ROR2: variants seen among roughly 807,000 people sequenced by gnomAD.
ROR2 encodes the protein tyrosine-protein kinase transmembrane receptor ROR2.
Under a neutral mutation model 74.9 loss-of-function variants are expected in ROR2, and 33 were observed. The ratio of observed to expected loss-of-function variants is 0.44; its 90% CI spans 0.33 to 0.59. ROR2 has a LOEUF of 0.59. Among genes scored for constraint, ROR2 ranks in the 20% least tolerant of loss-of-function variants. ROR2 has a pLI of 0.02. For missense variants in ROR2, 1,216 were observed against 1,313.8 expected (o/e 0.93, Z 1.15); for synonymous variants, 586 against 558.7 (o/e 1.05, Z -0.69).
chr9:91,825,636 T>C lies in ROR2; in HGVS notation c.98-49818A>G, dbSNP rs1040054989. ...GAGAACAGGGGGCACACATCCAATG[T>C]TGTATTTCAACAAGTCACAGGACTT... On this transcript the variant is annotated intron_variant, in intron 1 of 8. Coordinates refer to ENST00000375708, the MANE Select transcript of ROR2 (RefSeq NM_004560.4). Among the ~76,000 whole-genome samples the C allele has an allele frequency of 1.3e-4, 20 of 152,166 alleles. No individual in the cohort carries two copies. The East Asian group carries it at 3.7e-3, about 28-fold the overall frequency.
intron 1 of ROR2, among the ~76,000 whole-genome samples, chr9:91,808,798 T>A (rs1040932325): frequency 4.0e-5 from 6 of 150,886 alleles, no homozygotes; most frequent in African/African-American, 1.5e-4. Context: ...ATATAAAAAA[T>A]ATACATATTT....
At chr9:91,755,591 T>C (rs1324469460) in intron 4 of ROR2, among the ~76,000 whole-genome samples, 1 of 152,134 alleles carries the variant, frequency 6.6e-6, no homozygotes, top group African/African-American at 2.4e-5. Flanking sequence ...CGTGAAGGAG[T>C]GTGAGCCTGG....
chr9:91,861,152 G>A (rs1044939351), intron 1 of ROR2, among the ~76,000 whole-genome samples: 5 of 152,148 alleles, frequency 3.3e-5, no homozygotes, highest in African/African-American at 1.2e-4. Flanking sequence ...TTATGGATCA[G>A]AATACTTAAT....
At chr9:91,839,988 G>A (rs1274226947) in intron 1 of ROR2, among the ~76,000 whole-genome samples, 1 of 152,014 alleles carries the variant, frequency 6.6e-6, no homozygotes, top group Non-Finnish European at 1.5e-5. Flanking sequence ...CACCTGCGTT[G>A]CCCACAGCGC....
intron 1 of ROR2, among the ~76,000 whole-genome samples, chr9:91,840,206 C>G (rs921118501): frequency 6.6e-6 from 1 of 152,190 alleles, no homozygotes; most frequent in Non-Finnish European, 1.5e-5. Context: ...CCCGGGAGAG[C>G]AAGGACCAGC....
intron 1 of ROR2, among the ~76,000 whole-genome samples, chr9:91,864,308 G>T (rs1378799071): frequency 1.3e-5 from 2 of 152,140 alleles, no homozygotes; most frequent in East Asian, 3.9e-4. Context: ...ACAAGGCTTG[G>T]TTCTTGCAAT....
chr9:91,824,471 G>A (rs1282980169), intron 1 of ROR2, among the ~76,000 whole-genome samples: 1 of 152,216 alleles, frequency 6.6e-6, no homozygotes, highest in Non-Finnish European at 1.5e-5. Context: ...CATCCCCTCT[G>A]CAGGACACAG....
chr9:91,869,848 C>G (rs1829745045), intron 1 of ROR2, among the ~76,000 whole-genome samples: 1 of 152,108 alleles, frequency 6.6e-6, no homozygotes, highest in South Asian at 2.1e-4. Flanking sequence ...TCCTCAGGAA[C>G]TTTTTTAAGA....
At chr9:91,874,901 C>A (rs1048745162) in intron 1 of ROR2, among the ~76,000 whole-genome samples, 3 of 151,604 alleles carry the variant, frequency 2.0e-5, no homozygotes, top group African/African-American at 7.3e-5. Context: ...CCATTGCACT[C>A]CAGCCTGGGC....
At chr9:91,859,197 CTTTTTTTT>C (rs541283275) in intron 1 of ROR2, among the ~76,000 whole-genome samples, 8 of 121,314 alleles carry the variant, frequency 6.6e-5, no homozygotes, top group Admixed American at 8.3e-5. Flanking sequence ...GAAAGTATTC[CTTTTTTTT>C]TTTTTTTTTT....
intron 2 of ROR2, among the ~76,000 whole-genome samples, chr9:91,770,852 C>T (rs1424611755): frequency 1.3e-5 from 2 of 152,186 alleles, no homozygotes; most frequent in African/African-American, 4.8e-5. Context: ...CACACAGGCA[C>T]GCATGCCAGG....
chr9:91,864,499 A>G (rs1434472392), intron 1 of ROR2, among the ~76,000 whole-genome samples: 9 of 152,222 alleles, frequency 5.9e-5, no homozygotes, highest in Admixed American at 5.9e-4. Context: ...CTTAATTATG[A>G]CTTAAACACA....
chr9:91,800,741 C>A (rs1047913564), intron 1 of ROR2, among the ~76,000 whole-genome samples: 5 of 152,204 alleles, frequency 3.3e-5, no homozygotes, highest in Non-Finnish European at 7.3e-5. Flanking sequence ...CCATTCCCAG[C>A]GGGCTTCACG....
chr9:91,911,263 C>T (rs115296736), intron 1 of ROR2, among the ~76,000 whole-genome samples: 2,478 of 152,332 alleles, frequency 0.016, 66 homozygotes, highest in African/African-American at 0.056. Flanking sequence ...AGAAATGCGT[C>T]TTCAGGCCAT....
At chr9:91,895,830 C>T (rs1330918442) in intron 1 of ROR2, among the ~76,000 whole-genome samples, 2 of 152,018 alleles carry the variant, frequency 1.3e-5, no homozygotes, top group Non-Finnish European at 2.9e-5. Flanking sequence ...GGCGGCTGAG[C>T]GAGACTCTGT....
At chr9:91,853,260 C>T (rs779723410) in intron 1 of ROR2, among the ~76,000 whole-genome samples, 2 of 152,140 alleles carry the variant, frequency 1.3e-5, no homozygotes, top group Non-Finnish European at 1.5e-5. Context: ...GGCCAGAGGG[C>T]GGGCGAGTTT....
At chr9:91,793,606 CA>C (rs1468153974) in intron 1 of ROR2, among the ~76,000 whole-genome samples, 11 of 151,730 alleles carry the variant, frequency 7.2e-5, no homozygotes, top group Non-Finnish European at 1.3e-4. Flanking sequence ...ACTAAAAATA[CA>C]AAAAATTAGC....
intron 1 of ROR2, among the ~76,000 whole-genome samples, chr9:91,839,251 G>GGTGTGTGTGTGTGT (rs56134220): frequency 9.3e-6 from 1 of 107,802 alleles, no homozygotes; most frequent in South Asian, 3.1e-4. Context: ...TCAGATCGGG[G>GGTGTGTGTGTGTGT]GTGTGTGTGT....
Position 91,723,639 on chromosome 9 carries a change from C to T in ROR2, c.*23G>A, listed in dbSNP as rs750698649. 5.0e-6 allele frequency: 8 copies of T among 1,611,290 alleles called. No homozygotes were observed. Among genetic ancestry groups the T allele is most frequent in the African/African-American group, 4.0e-5 (3 of 74,874 alleles). On this transcript the variant is annotated 3_prime_UTR_variant, in exon 9 of 9. Transcript: ENST00000375708. ...GGGGTCTCGGCGGGGCTTCTATCCC[C>T]GAACCCCGGGCCCTGGTGCCACTCA...
Sources: gnomAD v4.1 joint callset for allele counts (sites outside exome capture counted in the v4.1 genomes callset) on GRCh38, gnomAD v4.1.1 for gene constraint, MANE v1.5 for transcripts, NCBI Gene and HGNC (gene_info 2026-07-23, HGNC 2026-07-21) for gene names.